PODN: variants seen among roughly 807,000 people sequenced by gnomAD.
The protein encoded by PODN is podocan.
In PODN, 40 loss-of-function variants were observed where a neutral mutation model predicts 52.7. The ratio of observed to expected loss-of-function variants is 0.76; its 90% confidence interval spans 0.59 to 0.99. PODN has a LOEUF of 0.99. Ranked by LOEUF, PODN falls within the 50% of genes least tolerant of loss-of-function variation. The pLI, the probability that PODN is intolerant of heterozygous loss-of-function variation, is 0.00. For missense variants in PODN, 720 were observed against 815.1 expected (o/e 0.88, Z 1.42); for synonymous variants, 396 against 377.9 (o/e 1.05, Z -0.56).
chr1:53,062,483 T>C (rs1193894366), intron 1 of PODN, among the ~76,000 whole-genome samples, 175 bp downstream of exon 1: 1 of 152,200 alleles, frequency 6.6e-6, no homozygotes, highest in Non-Finnish European at 1.5e-5. Context: ...TCTCCTCCTC[T>C]GGAGTGCGAC....
At chr1:53,074,189 G>A (rs1572267223) in intron 3 of PODN, among the ~76,000 whole-genome samples, 1 of 152,248 alleles carries the variant, frequency 6.6e-6, no homozygotes, top group East Asian at 1.9e-4. Context: ...GCCAGGTGGT[G>A]AGGAGGCCCA....
At position 53,080,920 on chromosome 1, in the gene PODN, A is replaced by C. The variant is rs776807554; in HGVS notation, c.1661+44A>C. 5.0e-6 allele frequency: 8 copies of C among 1,604,652 alleles called. No individual in the cohort carries two copies. The East Asian group carries it at 1.1e-4, about 22-fold the overall frequency. On this transcript the variant is annotated intron_variant, in intron 9 of 10. Transcript: ENST00000312553. Reference sequence around the variant, plus strand: ...CCCTGTACACACCCCCGTGGGGCCCACCCTGGCTCCAACGGGACAGTTGAT... The same window carrying C: ...CCCTGTACACACCCCCGTGGGGCCCCCCCTGGCTCCAACGGGACAGTTGAT...
At chr1:53,077,830 G>T (rs374902356) in intron 7 of PODN, 30 bp downstream of exon 7, 3 of 1,593,660 alleles carry the variant, frequency 1.9e-6, no homozygotes, top group Non-Finnish European at 2.6e-6. Context: ...GGTCCTTGGC[G>T]TGACCACGGG....
chr1:53,076,081 C>T, intron 5 of PODN, 110 bp downstream of exon 5: 1 of 955,768 alleles, frequency 1.0e-6, no homozygotes. Flanking sequence ...GCCCTGCACT[C>T]AGGGCTGTGG....
chr1:53,069,552 G>A (rs1250814509), intron 1 of PODN, among the ~76,000 whole-genome samples: 1 of 152,224 alleles, frequency 6.6e-6, no homozygotes, highest in African/African-American at 2.4e-5. Flanking sequence ...GGAAATAGGG[G>A]TACAGACTCC....
At position 53,078,408 on chromosome 1, in the gene PODN, CTG is replaced by C; in HGVS notation, c.900_901del (p.Arg302GlyfsTer160). ...LEYLDLSSNNLSRVPAGLPRS... is the reference protein window; with the variant it reads ...LEYLDLSSNNXSRVPAGLPRS... ...GTACCTGGATCTGTCCAGCAACAAC[CTG>C]TCTCGGGTCCCAGCTGGGCTGCCGC... is the stretch of plus-strand genomic sequence containing the variant. On this transcript the variant is annotated frameshift_variant, in exon 8 of 11. Transcript: ENST00000312553. LOFTEE classifies it high-confidence loss of function. The C allele has an allele frequency of 6.2e-7, 1 of 1,613,546 alleles. No homozygotes were observed. The highest frequency in any genetic ancestry group is 1.1e-5 in the South Asian group (1 of 91,082).
chr1:53,074,132 C>T lies in PODN; in HGVS notation c.407-474C>T, dbSNP rs368598125. On this transcript the variant is annotated intron_variant, in intron 3 of 10. Coordinates refer to ENST00000312553, the MANE Select transcript of PODN (RefSeq NM_153703.5). ...TCAGAGGCCAGCCTGGCAGGGCTCCCGGTAGCAGCCGAGTCCTGACACATC... is the reference window on the plus strand; with the variant it reads ...TCAGAGGCCAGCCTGGCAGGGCTCCTGGTAGCAGCCGAGTCCTGACACATC... Among the ~76,000 whole-genome samples, 201 of 152,348 alleles carry T rather than the reference C, an allele frequency of 1.3e-3. 2 individuals are homozygous for T. The highest frequency in any genetic ancestry group is 8.4e-4 in the African/African-American group (35 of 41,584).
intron 5 of PODN, 44 bp downstream of exon 5, chr1:53,076,015 AG>A: frequency 6.9e-7 from 1 of 1,450,510 alleles, no homozygotes; most frequent in Non-Finnish European, 9.5e-7. Flanking sequence ...GGGCAAGGGG[AG>A]GGGCTGAGGT....
chr1:53,071,410 G>A, intron 2 of PODN, 125 bp from the exon 3 acceptor site: 10 of 813,332 alleles, frequency 1.2e-5, no homozygotes, highest in Non-Finnish European at 1.9e-5. Context: ...CCATGGGGGA[G>A]AATTCCAAGG....
At position 53,071,517 on chromosome 1, in the gene PODN, G is replaced by C; in HGVS notation, c.313-18G>C. On this transcript the variant is annotated intron_variant, in intron 2 of 10. Transcript: ENST00000312553. ...CACTAGGCTGATGCTGCTTCCTTGC[G>C]GCCCCCTACCCCCCTAGAACAACCA... The C allele has an allele frequency of 6.2e-7, 1 of 1,603,802 alleles. No individual in the cohort carries two copies. Among genetic ancestry groups the C allele is most frequent in the Non-Finnish European group, 8.5e-7 (1 of 1,171,966 alleles).
At position 53,080,762 on chromosome 1, in the gene PODN, T is replaced by TC; in HGVS notation, c.1551dup (p.Glu518ArgfsTer8). ...ATCGCCGGGAATCAGCTCACAGAGATCCCCGAGGGGCTCCCCGAGTCACTT... is the reference window on the plus strand; with the variant it reads ...ATCGCCGGGAATCAGCTCACAGAGATCCCCCGAGGGGCTCCCCGAGTCACTT... On this transcript the variant is annotated frameshift_variant, in exon 9 of 11. Coordinates refer to ENST00000312553, the MANE Select transcript of PODN (RefSeq NM_153703.5). LOFTEE classifies it high-confidence loss of function. 6.2e-7 allele frequency: 1 copy of TC among 1,614,062 alleles called. No individual in the cohort carries two copies. The highest frequency in any genetic ancestry group is 8.5e-7 in the Non-Finnish European group (1 of 1,179,998).
chr1:53,066,459 T>G (rs1013401911), intron 1 of PODN, among the ~76,000 whole-genome samples: 34 of 152,334 alleles, frequency 2.2e-4, no homozygotes, highest in African/African-American at 8.2e-4. Flanking sequence ...TTGAGATCTA[T>G]GGACACTACA....
At chr1:53,075,820 G>C in intron 4 of PODN, 42 bp from the exon 5 acceptor site, 1 of 1,521,864 alleles carries the variant, frequency 6.6e-7, no homozygotes, top group Non-Finnish European at 9.0e-7. Context: ...GCTGGCCTCT[G>C]CTCCTCCATT....
chr1:53,069,189 C>T (rs1166252822), intron 1 of PODN, among the ~76,000 whole-genome samples: 1 of 152,334 alleles, frequency 6.6e-6, no homozygotes, highest in East Asian at 1.9e-4. Flanking sequence ...CGCTGCTCCC[C>T]CTCTTCCCAT....
chr1:53,079,105 G>T, intron 8 of PODN, 83 bp downstream of exon 8: 1 of 1,413,082 alleles, frequency 7.1e-7, no homozygotes, highest in East Asian at 2.5e-5. Context: ...TCTGAAGGGT[G>T]AGGAGAAGGG....
At position 53,070,045 on chromosome 1, in the gene PODN, G is replaced by C. The variant is rs780193413; in HGVS notation, c.190G>C (p.Ala64Pro). ...CCCTGAGGAGCCCGGGCCTGGCCCAGCCGCGGTCAGCTGCCCCCGAGACTG... is the reference window on the plus strand; with the variant it reads ...CCCTGAGGAGCCCGGGCCTGGCCCACCCGCGGTCAGCTGCCCCCGAGACTG... ...LSPEEPGPGP[A>P]AVSCPRDCAC... The change falls in exon 2 of 11, where the codon GCC (alanine) becomes CCC (proline). Residue 64 changes from alanine (A) to proline (P), a missense_variant. Physicochemically the swap from Ala to Pro is conservative, Grantham distance 27. Transcript: ENST00000312553. 2.5e-6 allele frequency: 4 copies of C among 1,612,986 alleles called. No individual in the cohort carries two copies. In the South Asian group the frequency reaches 3.3e-5, roughly 13 times the overall value.
At chr1:53,074,795 CATG>C in intron 4 of PODN, 125 bp downstream of exon 4, 1 of 750,326 alleles carries the variant, frequency 1.3e-6, no homozygotes, top group Non-Finnish European at 2.2e-6. Flanking sequence ...GCTGCTCAGA[CATG>C]GCCCTGGGTC....
chr1:53,072,716 A>G (rs2150298006), intron 3 of PODN, among the ~76,000 whole-genome samples: 1 of 152,306 alleles, frequency 6.6e-6, no homozygotes, highest in East Asian at 1.9e-4. Flanking sequence ...GAACAGTTTA[A>G]GAAGGTGGAC....
chr1:53,083,702 G>A (rs2150309001), intron 10 of PODN, among the ~76,000 whole-genome samples: 1 of 152,336 alleles, frequency 6.6e-6, no homozygotes, highest in East Asian at 1.9e-4. Flanking sequence ...ACAAGGGAGT[G>A]TGTTGGCCGG....
Sources: allele counts gnomAD v4.1 joint callset (sites outside exome capture counted in the v4.1 genomes callset), GRCh38; gene constraint gnomAD v4.1.1; transcripts MANE v1.5; gene names NCBI Gene and HGNC (gene_info 2026-07-23, HGNC 2026-07-21).